The following PKN2 variants were observed in gnomAD, a reference collection of about 807,000 sequenced individuals.
PKN2 encodes protein kinase N2, also known as serine/threonine-protein kinase N2.
In PKN2, 38 loss-of-function variants were observed where a neutral mutation model predicts 119.1. The ratio of observed to expected loss-of-function variants is 0.32; its 90% confidence interval spans 0.25 to 0.42. The LOEUF is 0.42. Among genes scored for constraint, PKN2 ranks in the 10% least tolerant of loss-of-function variants. PKN2 has a pLI of 1.00. For missense variants in PKN2, 850 were observed against 1,165.1 expected, an observed-to-expected ratio of 0.73 and a Z score of 3.94; for synonymous variants, 390 against 384.9, an observed-to-expected ratio of 1.01 and a Z score of -0.15.
chr1:88,806,828 C>T (rs11799959), intron 12 of PKN2, among the ~76,000 whole-genome samples: 10,172 of 152,018 alleles, frequency 0.067, 697 homozygotes, highest in African/African-American at 0.18. Flanking sequence ...CAAGTGATTC[C>T]ACTGCCTCAG....
At chr1:88,744,422 G>GT (rs1668689185) in intron 2 of PKN2, among the ~76,000 whole-genome samples, 1 of 152,046 alleles carries the variant, frequency 6.6e-6, no homozygotes, top group East Asian at 1.9e-4. Flanking sequence ...GGGGACTTCT[G>GT]TTTTTTTCTT....
chr1:88,756,100 C>T (rs974005934), intron 2 of PKN2, among the ~76,000 whole-genome samples: 5 of 151,756 alleles, frequency 3.3e-5, no homozygotes, highest in African/African-American at 9.7e-5. Flanking sequence ...TTAGTAGAGA[C>T]GGGGTTTCAC....
chr1:88,691,870 T>C lies in PKN2; in HGVS notation c.48+7242T>C, dbSNP rs75999028. Among the ~76,000 whole-genome samples, 726 of 152,364 alleles carry C rather than the reference T, an allele frequency of 4.8e-3. 2 individuals are homozygous for C. The highest frequency in any genetic ancestry group is 0.016 in the African/African-American group (681 of 41,582). ...CATAACTGTAATTACAGTATAGTTA[T>C]AATTGTTCTATTTTATTATTAGTTA... On this transcript the variant is annotated intron_variant, in intron 1 of 21. Coordinates refer to ENST00000370521, the MANE Select transcript of PKN2 (RefSeq NM_006256.4).
At chr1:88,832,403 T>C (rs1672765630) in intron 19 of PKN2, among the ~76,000 whole-genome samples, 1 of 151,996 alleles carries the variant, frequency 6.6e-6, no homozygotes, top group Non-Finnish European at 1.5e-5. Flanking sequence ...AAATAGGTGA[T>C]TGAGTGAATG....
intron 8 of PKN2, among the ~76,000 whole-genome samples, chr1:88,792,441 T>C (rs1240837934): frequency 6.6e-6 from 1 of 151,904 alleles, no homozygotes; most frequent in Admixed American, 6.6e-5. Flanking sequence ...ACATGTCATG[T>C]ATTCCTCTGG....
At chr1:88,730,699 T>C (rs764484332) in intron 1 of PKN2, among the ~76,000 whole-genome samples, 32 of 152,224 alleles carry the variant, frequency 2.1e-4, no homozygotes, top group Admixed American at 7.2e-4. Flanking sequence ...AGGAGGATGC[T>C]ATTATGTAGG....
chr1:88,750,913 T>C (rs1029828695), intron 2 of PKN2, among the ~76,000 whole-genome samples: 2 of 152,182 alleles, frequency 1.3e-5, no homozygotes, highest in African/African-American at 4.8e-5. Flanking sequence ...AAGTTCAGTA[T>C]TTCTTTAATT....
intron 2 of PKN2, among the ~76,000 whole-genome samples, chr1:88,752,972 A>G (rs1669059582): frequency 6.6e-6 from 1 of 151,584 alleles, no homozygotes; most frequent in Admixed American, 6.6e-5. Flanking sequence ...CTTTCTTGTC[A>G]TTTTTAGACT....
intron 17 of PKN2, among the ~76,000 whole-genome samples, chr1:88,823,199 A>G (rs1036396760): frequency 5.3e-5 from 8 of 152,180 alleles, no homozygotes; most frequent in Non-Finnish European, 7.3e-5. Flanking sequence ...CACTTAGACA[A>G]CAGAGTGAGT....
chr1:88,829,479 A>G (rs1450337010), intron 19 of PKN2: 3 of 192,704 alleles, frequency 1.6e-5, no homozygotes, highest in Non-Finnish European at 3.3e-5. Flanking sequence ...TAGAGTTGAA[A>G]AAATTCGCAT....
rs916755454 is a variant in PKN2, at chr1:88,684,719, C to T, written c.48+91C>T. The T allele has an allele frequency of 9.7e-6, 11 of 1,131,116 alleles. No individual in the cohort carries two copies. The South Asian group carries it at 1.7e-4, about 18-fold the overall frequency. 70.1% of individuals were successfully genotyped at this position (1,131,116 alleles called of 1,614,324 possible). On this transcript the variant is annotated intron_variant, in intron 1 of 21. Transcript: ENST00000370521. ...CGGGGACCGAGGAAAGCCCTGCGGC[C>T]GCCGCGCCCCTAGCCCGCTAAGTGC...
rs76064529 is a variant in PKN2 at position 88,783,431 on chromosome 1, G to A, written c.986-1208G>A. Among the ~76,000 whole-genome samples, 770 of 151,998 alleles carry A rather than the reference G, an allele frequency of 5.1e-3. 3 individuals are homozygous for A. Among genetic ancestry groups the A allele is most frequent in the African/African-American group, 0.018 (725 of 41,392 alleles). ...ATCTCATTTGTTTCCCATCTCTCAG[G>A]GATCACTATTCGTCTTTAACCTTTT... is the stretch of plus-strand genomic sequence containing the variant. On this transcript the variant is annotated intron_variant, in intron 6 of 21. Transcript: ENST00000370521.
intron 6 of PKN2, among the ~76,000 whole-genome samples, chr1:88,775,763 C>A (rs1670069509): frequency 6.6e-6 from 1 of 152,144 alleles, no homozygotes. Context: ...ATGCATTAGT[C>A]TTTTAAATCA....
At chr1:88,782,612 C>T (rs1447343711) in intron 6 of PKN2, among the ~76,000 whole-genome samples, 1 of 152,040 alleles carries the variant, frequency 6.6e-6, no homozygotes, top group Non-Finnish European at 1.5e-5. Flanking sequence ...CCTGCAGTCC[C>T]ATCCAGTGTA....
rs1418640800 is a variant in PKN2, at chr1:88,813,828, A to G, written c.2279+95A>G. ...CTTTGAATTTTAGATTTTTTTTCCT[A>G]ACAGAAAATAGATCTCTGCAAGAAA... is the stretch of plus-strand genomic sequence containing the variant. On this transcript the variant is annotated intron_variant, in intron 16 of 21. Coordinates refer to ENST00000370521, the MANE Select transcript of PKN2 (RefSeq NM_006256.4). 2.9e-6 allele frequency: 3 copies of G among 1,028,420 alleles called. No individual in the cohort carries two copies. In the East Asian group the frequency reaches 8.0e-5, roughly 27 times the overall value. 63.7% of individuals were successfully genotyped at this position (1,028,420 alleles called of 1,614,324 possible). A position where few individuals can be genotyped will look rare whatever the true frequency, so the allele number is the denominator to read the frequency against.
chr1:88,705,651 T>C (rs1398315620), intron 1 of PKN2, among the ~76,000 whole-genome samples: 1 of 152,060 alleles, frequency 6.6e-6, no homozygotes, highest in East Asian at 1.9e-4. Context: ...TGAGCCGAGA[T>C]TGTGCCCCTG....
chr1:88,806,469 C>T (rs937719728), intron 12 of PKN2, among the ~76,000 whole-genome samples: 3 of 151,830 alleles, frequency 2.0e-5, no homozygotes, highest in African/African-American at 4.8e-5. Flanking sequence ...TGCACCCAGC[C>T]GAATTTATGT....
At position 88,822,130 on chromosome 1, in the gene PKN2, C is replaced by A; in HGVS notation, c.2342+127C>A. On this transcript the variant is annotated intron_variant, in intron 17 of 21. Transcript: ENST00000370521. The stretch of plus-strand genomic sequence containing the variant: ...TTAGTTTTCTCCTTCACCTGTAAGT[C>A]AAACCCCAATGTTGAAAGACGTGGT... 1 of 837,426 alleles carries A rather than the reference C, an allele frequency of 1.2e-6. No individual in the cohort carries two copies. Among genetic ancestry groups the A allele is most frequent in the Non-Finnish European group, 1.7e-6 (1 of 586,794 alleles). The allele number at this position is 837,426 out of a possible 1,614,324, so 51.9% of individuals were successfully genotyped here. A position where few individuals can be genotyped will look rare whatever the true frequency, so the allele number is the denominator to read the frequency against.
At chr1:88,685,609 T>C (rs975091891) in intron 1 of PKN2, among the ~76,000 whole-genome samples, 1 of 152,192 alleles carries the variant, frequency 6.6e-6, no homozygotes, top group Non-Finnish European at 1.5e-5. Flanking sequence ...TTTCATTACT[T>C]GGGAGTGTTC....
Sources: gnomAD v4.1 joint callset for allele counts (sites outside exome capture counted in the v4.1 genomes callset) on GRCh38, gnomAD v4.1.1 for gene constraint, MANE v1.5 for transcripts, NCBI Gene and HGNC (gene_info 2026-07-23, HGNC 2026-07-21) for gene names.